Variants in COA1 observed in about 807,000 individuals in gnomAD.
COA1 encodes the protein cytochrome c oxidase assembly factor 1 homolog.
COA1 carries 13 observed loss-of-function variants against 16.0 expected under a neutral mutation model. The ratio of observed to expected loss-of-function variants is 0.81; its 90% CI spans 0.53 to 1.29. The LOEUF is 1.29. COA1 is among the 50% of genes most tolerant of loss of function. The pLI is 0.00. For missense variants in COA1, 179 were observed against 177.0 expected (o/e 1.01, Z -0.06); for synonymous variants, 65 against 65.7 (o/e 0.99, Z 0.05).
chr7:43,644,764 AGGCAGGCAGG>A (rs2088539086), intron 4 of COA1, among the ~76,000 whole-genome samples: 6 of 74,650 alleles, frequency 8.0e-5, no homozygotes, highest in East Asian at 2.5e-4. Context: ...ATAGATAGGC[AGGCAGGCAGG>A]CAGGCAGGCA....
intron 6 of COA1, among the ~76,000 whole-genome samples, chr7:43,611,003 G>A (rs2082824203): frequency 1.3e-5 from 2 of 152,168 alleles, no homozygotes; most frequent in Admixed American, 1.3e-4. Context: ...TGTAATCCCA[G>A]CTACTTGGGA....
chr7:43,725,990 T>C (rs1409442799), intron 1 of COA1, among the ~76,000 whole-genome samples: 1 of 148,654 alleles, frequency 6.7e-6, no homozygotes, highest in Admixed American at 7.0e-5. Context: ...CCCCAAACAA[T>C]ACAGAACACA....
At chr7:43,685,636 G>T (rs1212419859) in intron 1 of COA1, among the ~76,000 whole-genome samples, 1 of 152,196 alleles carries the variant, frequency 6.6e-6, no homozygotes, top group Non-Finnish European at 1.5e-5. Context: ...GTAGAATTGA[G>T]AGAGCTGGAG....
chr7:43,634,824 G>A (rs2085596169), downstream of COA1, among the ~76,000 whole-genome samples: 1 of 152,184 alleles, frequency 6.6e-6, no homozygotes, highest in Non-Finnish European at 1.5e-5. Flanking sequence ...TTGCTTAGCC[G>A]TTGGCTCCTA....
chr7:43,724,987 C>T (rs2095584844), intron 1 of COA1, among the ~76,000 whole-genome samples: 1 of 152,198 alleles, frequency 6.6e-6, no homozygotes, highest in African/African-American at 2.4e-5. Context: ...GCCTGCAATC[C>T]CAGCACTTTG....
intron 1 of COA1, among the ~76,000 whole-genome samples, chr7:43,657,556 C>A (rs536296523): frequency 6.6e-6 from 1 of 152,086 alleles, no homozygotes; most frequent in Non-Finnish European, 1.5e-5. Flanking sequence ...CAAAACCAGG[C>A]GCCGTGCTAG....
At chr7:43,649,280 A>G (rs936124669) in intron 1 of COA1, 2 of 152,264 alleles carry the variant, frequency 1.3e-5, no homozygotes, top group Non-Finnish European at 2.9e-5. Context: ...AGGTGCACTA[A>G]TAAGTGAATA....
chr7:43,677,486 T>C (rs1291985237), intron 1 of COA1, among the ~76,000 whole-genome samples: 1 of 152,212 alleles, frequency 6.6e-6, no homozygotes, highest in African/African-American at 2.4e-5. Context: ...GATTCCCATA[T>C]CCTTGACAAA....
chr7:43,650,916 C>T lies in COA1; in HGVS notation c.-38-2264G>A, dbSNP rs925123790. ...AGGATCAACCAAGTCTCCCCAGAGC[C>T]CTTCCACGTCAAAGCAGGGGTTGGG... On this transcript the variant is annotated intron_variant, in intron 1 of 5. Coordinates refer to ENST00000223336, the MANE Select transcript of COA1 (RefSeq NM_018224.4). Among the ~76,000 whole-genome samples the T allele has an allele frequency of 6.6e-5, 10 of 151,756 alleles. 1 individual carries two copies. The South Asian group carries it at 1.7e-3, about 25-fold the overall frequency.
At chr7:43,635,289 G>T (rs1454884620), downstream of COA1, among the ~76,000 whole-genome samples, 1 of 152,086 alleles carries the variant, frequency 6.6e-6, no homozygotes, top group Non-Finnish European at 1.5e-5. Flanking sequence ...TCCCGATATT[G>T]AACCACCTTT....
intron 1 of COA1, among the ~76,000 whole-genome samples, chr7:43,725,103 T>C (rs1043251991): frequency 6.6e-6 from 1 of 152,100 alleles, no homozygotes; most frequent in Non-Finnish European, 1.5e-5. Context: ...CTAGGTGTGG[T>C]GGCGCATGCC....
At chr7:43,656,746 T>C (rs772884071) in intron 1 of COA1, among the ~76,000 whole-genome samples, 1 of 152,236 alleles carries the variant, frequency 6.6e-6, no homozygotes, top group East Asian at 1.9e-4. Flanking sequence ...AATAATACAG[T>C]AGTTATTAAC....
At chr7:43,651,897 T>G (rs1343301653) in intron 1 of COA1, among the ~76,000 whole-genome samples, 1 of 152,058 alleles carries the variant, frequency 6.6e-6, no homozygotes, top group Non-Finnish European at 1.5e-5. Flanking sequence ...CTCAGGAGGC[T>G]GAGGCAGGAG....
chr7:43,709,555 A>G (rs2095141840), intron 1 of COA1, among the ~76,000 whole-genome samples: 1 of 152,102 alleles, frequency 6.6e-6, no homozygotes, highest in Admixed American at 6.6e-5. Context: ...CGTTATCTTT[A>G]TAACAAATTA....
At chr7:43,726,454 CTAAA>C (rs1209393849) in intron 1 of COA1, among the ~76,000 whole-genome samples, 24 of 152,132 alleles carry the variant, frequency 1.6e-4, no homozygotes, top group Non-Finnish European at 2.6e-4. Context: ...ACAAAGTTAA[CTAAA>C]TAGATTGAAA....
chr7:43,618,200 A>G (rs965295973), intron 6 of COA1, among the ~76,000 whole-genome samples: 1 of 152,230 alleles, frequency 6.6e-6, no homozygotes, highest in Non-Finnish European at 1.5e-5. Context: ...GCTGTGGAGC[A>G]GGGACGGGGC....
intron 1 of COA1, among the ~76,000 whole-genome samples, chr7:43,664,066 T>C (rs972923474): frequency 4.7e-5 from 7 of 148,216 alleles, no homozygotes; most frequent in Non-Finnish European, 1.0e-4. Flanking sequence ...AATAAATTTT[T>C]TTTAAAAAAT....
intron 1 of COA1, among the ~76,000 whole-genome samples, chr7:43,684,124 A>AT (rs1440439037): frequency 4.6e-5 from 7 of 151,970 alleles, no homozygotes; most frequent in Non-Finnish European, 8.8e-5. Flanking sequence ...AAGAAAGGTA[A>AT]TTTTTTTTCC....
chr7:43,711,527 TAA>T (rs35608889), intron 1 of COA1: 1 of 152,202 alleles, frequency 6.6e-6, no homozygotes, highest in Non-Finnish European at 1.5e-5. Context: ...ATCTGCTTTT[TAA>T]AAAGTTTGTA....
Sources: allele counts gnomAD v4.1 joint callset (sites outside exome capture counted in the v4.1 genomes callset), GRCh38; gene constraint gnomAD v4.1.1; transcripts MANE v1.5; gene names NCBI Gene and HGNC (gene_info 2026-07-23, HGNC 2026-07-21).